The following MAD1L1 variants were observed in gnomAD, a reference collection of about 807,000 sequenced individuals.
The protein encoded by MAD1L1 is mitotic spindle assembly checkpoint protein MAD1.
MAD1L1 carries 95 observed loss-of-function variants against 96.9 expected under a neutral mutation model. The ratio of observed to expected loss-of-function variants is 0.98; its 90% CI spans 0.83 to 1.16. MAD1L1 has a LOEUF of 1.16. Among genes scored for constraint, MAD1L1 ranks in the 50% most tolerant of loss-of-function variants. The pLI is 0.00. For missense variants in MAD1L1, 1,007 were observed against 954.4 expected, an observed-to-expected ratio of 1.06 and a Z score of -0.73; for synonymous variants, 473 against 396.6, an observed-to-expected ratio of 1.19 and a Z score of -2.29.
rs1306695712 is a variant in MAD1L1 at position 1,938,868 on chromosome 7, ACACG to A, written c.1597-1975_1597-1972del. On this transcript the variant is annotated intron_variant, in intron 16 of 18. Coordinates refer to ENST00000265854, the MANE Select transcript of MAD1L1 (RefSeq NM_001013836.2). The stretch of plus-strand genomic sequence containing the variant: ...CACACACACACACACACACACACAC[ACACG>A]GACACAGTCCAGGGCCGGGGCCAGA... Among the ~76,000 whole-genome samples, 39 of 131,900 alleles carry A rather than the reference ACACG, an allele frequency of 3.0e-4. 1 individual carries two copies. Among genetic ancestry groups the A allele is most frequent in the African/African-American group, 8.8e-4 (30 of 34,252 alleles). The allele number at this position is 131,900 out of a possible 152,430, so 86.5% of individuals were successfully genotyped here. A position where few individuals can be genotyped will look rare whatever the true frequency, so the allele number is the denominator to read the frequency against.
At chr7:1,850,374 G>A (rs1394058655) in intron 18 of MAD1L1, among the ~76,000 whole-genome samples, 1 of 152,220 alleles carries the variant, frequency 6.6e-6, no homozygotes, top group Non-Finnish European at 1.5e-5. Context: ...TGCCACCTCT[G>A]GAGCCACCCA....
intron 10 of MAD1L1, among the ~76,000 whole-genome samples, chr7:2,150,384 C>T (rs889356337): frequency 1.3e-5 from 2 of 152,258 alleles, no homozygotes; most frequent in East Asian, 3.9e-4. Context: ...GCACTGGGCC[C>T]GACCAGACTC....
intron 17 of MAD1L1, among the ~76,000 whole-genome samples, chr7:1,934,778 A>T (rs190206993): frequency 7.3e-6 from 1 of 136,154 alleles, no homozygotes; most frequent in Non-Finnish European, 1.6e-5. Context: ...CGAACACACG[A>T]GCGAACCCGA....
At position 1,816,171 on chromosome 7, in the gene MAD1L1, C is replaced by A. The variant is rs373806188; in HGVS notation, c.2056G>T (p.Val686Leu). ...QLLETEFSHT[V>L]GELIEVHLRR... ...AGGTGCACCTCGATGAGCTCGCCCACGGTGTGTGAGAACTCTGTCTCCAGT... is the reference window on the plus strand; with the variant it reads ...AGGTGCACCTCGATGAGCTCGCCCAAGGTGTGTGAGAACTCTGTCTCCAGT... Residue 686 changes from valine to leucine, a missense_variant, in exon 19 of 19, where the codon GTG (valine) becomes TTG (leucine). Val to Leu is a conservative substitution (Grantham distance 32, BLOSUM62 1). Coordinates refer to ENST00000265854, the MANE Select transcript of MAD1L1 (RefSeq NM_001013836.2). The A allele has an allele frequency of 6.2e-7, 1 of 1,613,456 alleles. No homozygotes were observed. The highest frequency in any genetic ancestry group is 2.2e-5 in the East Asian group (1 of 44,842).
Position 1,965,737 on chromosome 7 carries a change from C to T in MAD1L1, c.1506-8018G>A, listed in dbSNP as rs75507705. ...CGTGCTCTCTGTCTGAAGCTGCTGT[C>T]GTTCCAGATGGGCAGGACAAACTCT... On this transcript the variant is annotated intron_variant, in intron 15 of 18. Coordinates refer to ENST00000265854, the MANE Select transcript of MAD1L1 (RefSeq NM_001013836.2). Among the ~76,000 whole-genome samples, 246 of 152,396 alleles carry T rather than the reference C, an allele frequency of 1.6e-3. 5 individuals carry two copies. The East Asian group carries it at 0.044, about 27-fold the overall frequency.
At chr7:1,959,736 C>T (rs1376610035) in intron 15 of MAD1L1, among the ~76,000 whole-genome samples, 1 of 152,190 alleles carries the variant, frequency 6.6e-6, no homozygotes, top group Non-Finnish European at 1.5e-5. Context: ...GCCTTCAGAT[C>T]AGACACGAAA....
At chr7:2,020,609 C>T (rs572280305) in intron 12 of MAD1L1, among the ~76,000 whole-genome samples, 49 of 152,334 alleles carry the variant, frequency 3.2e-4, no homozygotes, top group Non-Finnish European at 5.9e-4. Flanking sequence ...CCCTGGTACC[C>T]GGAGTCTAGG....
chr7:2,090,787 G>A (rs980377362), intron 11 of MAD1L1, among the ~76,000 whole-genome samples: 1 of 152,142 alleles, frequency 6.6e-6, no homozygotes, highest in African/African-American at 2.4e-5. Flanking sequence ...GGCCCTCATC[G>A]CTCCGGGAAG....
chr7:1,920,893 A>G, intron 17 of MAD1L1, among the ~76,000 whole-genome samples: 1 of 148,530 alleles, frequency 6.7e-6, no homozygotes, highest in Non-Finnish European at 1.5e-5. Flanking sequence ...GACTGAATAA[A>G]AAAGATTCAC....
At chr7:1,903,480 C>T (rs28597705) in intron 17 of MAD1L1, among the ~76,000 whole-genome samples, 7,990 of 139,700 alleles carry the variant, frequency 0.057, 1,141 homozygotes, top group African/African-American at 0.23. Context: ...GACGCTCTTG[C>T]GGAACTCAAG....
At chr7:2,004,043 G>T (rs1781921336) in intron 13 of MAD1L1, among the ~76,000 whole-genome samples, 1 of 152,154 alleles carries the variant, frequency 6.6e-6, no homozygotes, top group African/African-American at 2.4e-5. Context: ...CCGGGTCGGG[G>T]CATCCAGGGC....
chr7:2,084,813 A>G (rs560842588), intron 11 of MAD1L1, among the ~76,000 whole-genome samples: 1 of 152,336 alleles, frequency 6.6e-6, no homozygotes, highest in Non-Finnish European at 1.5e-5. Flanking sequence ...TGACAAATAC[A>G]GGGCCAAGCA....
At chr7:1,995,900 G>A (rs1038382593) in intron 14 of MAD1L1, among the ~76,000 whole-genome samples, 6 of 152,172 alleles carry the variant, frequency 3.9e-5, no homozygotes, top group African/African-American at 1.4e-4. Flanking sequence ...GGATGGGTCC[G>A]GAAGGTGAAA....
chr7:1,920,943 T>C (rs1414647759), intron 17 of MAD1L1, among the ~76,000 whole-genome samples: 2 of 152,240 alleles, frequency 1.3e-5, no homozygotes, highest in African/African-American at 2.4e-5. Flanking sequence ...CAGATTCATG[T>C]TCCCTGCTCC....
chr7:2,174,647 AT>A (rs1259822692), intron 10 of MAD1L1, among the ~76,000 whole-genome samples: 5 of 151,362 alleles, frequency 3.3e-5, no homozygotes, highest in Admixed American at 2.0e-4. Flanking sequence ...ACTTACACTG[AT>A]TTTTTCCCCA....
At chr7:2,035,228 C>T (rs936653360) in intron 12 of MAD1L1, among the ~76,000 whole-genome samples, 21 of 152,170 alleles carry the variant, frequency 1.4e-4, no homozygotes, top group Non-Finnish European at 2.9e-4. Flanking sequence ...GAAATGTAAA[C>T]CGGAGTCCAG....
chr7:1,863,314 G>A (rs1347619878), intron 18 of MAD1L1, among the ~76,000 whole-genome samples: 2 of 152,282 alleles, frequency 1.3e-5, no homozygotes, highest in South Asian at 2.1e-4. Flanking sequence ...TTAGGCACTG[G>A]TGAGGGTCCG....
chr7:1,894,519 C>T (rs1490299931), intron 18 of MAD1L1, among the ~76,000 whole-genome samples: 2 of 152,230 alleles, frequency 1.3e-5, no homozygotes, highest in Non-Finnish European at 2.9e-5. Context: ...TTGCCTCTTG[C>T]AGCCTCCGAA....
Position 2,098,714 on chromosome 7 carries a change from A to G in MAD1L1, c.1074-29376T>C, listed in dbSNP as rs908577102. ...TGCTCCAGGAGGCCCAAGGGAGCGC[A>G]CTACCACACCCGATAGCTGCCCGGC... is the stretch of plus-strand genomic sequence containing the variant. On this transcript the variant is annotated intron_variant, in intron 11 of 18. Transcript: ENST00000265854. Among the ~76,000 whole-genome samples the G allele has an allele frequency of 2.0e-5, 3 of 152,150 alleles. 1 individual carries two copies. The highest frequency in any genetic ancestry group is 4.4e-5 in the Non-Finnish European group (3 of 68,028).
Sources: allele counts gnomAD v4.1 joint callset (sites outside exome capture counted in the v4.1 genomes callset), GRCh38; gene constraint gnomAD v4.1.1; transcripts MANE v1.5; gene names NCBI Gene and HGNC (gene_info 2026-07-23, HGNC 2026-07-21).